AKAP13: variants seen among roughly 807,000 people sequenced by gnomAD.
AKAP13 encodes the protein A-kinase anchoring protein 13.
In AKAP13, 80 loss-of-function variants were observed where a neutral mutation model predicts 264.5. The ratio of observed to expected loss-of-function variants is 0.30; its 90% CI spans 0.25 to 0.36. AKAP13 has a LOEUF of 0.36. Among genes scored for constraint, AKAP13 ranks in the 10% least tolerant of loss-of-function variants. AKAP13 has a pLI of 1.00. For missense variants in AKAP13, 3,712 were observed against 3,435.2 expected (o/e 1.08, Z -2.01); for synonymous variants, 1,380 against 1,250.2 (o/e 1.10, Z -2.19).
chr15:85,595,253 C>A (rs1350251555), intron 8 of AKAP13, among the ~76,000 whole-genome samples: 2 of 152,020 alleles, frequency 1.3e-5, no homozygotes, highest in Non-Finnish European at 2.9e-5. Flanking sequence ...GTGCGAGCCA[C>A]CACACCTAGC....
At chr15:85,464,635 A>G (rs2074655002) in intron 1 of AKAP13, among the ~76,000 whole-genome samples, 1 of 152,170 alleles carries the variant, frequency 6.6e-6, no homozygotes, top group African/African-American at 2.4e-5. Context: ...GTCTTTACCA[A>G]AGAGAAGTCT....
chr15:85,506,884 A>G (rs1007808753), intron 2 of AKAP13, among the ~76,000 whole-genome samples: 1 of 152,180 alleles, frequency 6.6e-6, no homozygotes, highest in East Asian at 1.9e-4. Flanking sequence ...TGCTGAAGCC[A>G]TGGTCCGTTA....
chr15:85,451,944 A>T (rs899697781), intron 1 of AKAP13, among the ~76,000 whole-genome samples: 1 of 151,958 alleles, frequency 6.6e-6, no homozygotes, highest in African/African-American at 2.4e-5. Context: ...TTTGTGGATG[A>T]TACCCTGAAA....
intron 5 of AKAP13, among the ~76,000 whole-genome samples, chr15:85,560,501 G>T (rs2078332783): frequency 6.6e-6 from 1 of 152,036 alleles, no homozygotes; most frequent in African/African-American, 2.4e-5. Flanking sequence ...TGATGCACCT[G>T]CATAAGACAG....
chr15:85,545,072 G>A lies in AKAP13; in HGVS notation c.662+1117G>A, dbSNP rs527966887. Among the ~76,000 whole-genome samples the A allele has an allele frequency of 8.5e-5, 13 of 152,294 alleles. No homozygotes were observed. In the South Asian group the frequency reaches 2.7e-3, roughly 32 times the overall value. ...AGTTCTTTGCAGAAAGCTTTCTGAT[G>A]GGTGCTACAGATACAGTGGTGGTAG... is the stretch of plus-strand genomic sequence containing the variant. On this transcript the variant is annotated intron_variant, in intron 5 of 36. Coordinates refer to ENST00000394518, the MANE Select transcript of AKAP13 (RefSeq NM_007200.5).
At chr15:85,646,033 T>C (rs1349803404) in intron 10 of AKAP13, 79 bp downstream of exon 10, 1 of 1,530,580 alleles carries the variant, frequency 6.5e-7, no homozygotes, top group African/African-American at 1.4e-5. Context: ...CTTTTCCAAC[T>C]TTTTCCCCCT....
At chr15:85,652,342 G>C (rs2082895281) in intron 10 of AKAP13, among the ~76,000 whole-genome samples, 2 of 152,224 alleles carry the variant, frequency 1.3e-5, no homozygotes, top group Non-Finnish European at 2.9e-5. Flanking sequence ...TTGGATGCCA[G>C]AGTGAAGAAG....
chr15:85,620,124 C>T, intron 8 of AKAP13: 2 of 1,536,110 alleles, frequency 1.3e-6, no homozygotes, highest in Non-Finnish European at 8.7e-7. Context: ...GCTACAGCCT[C>T]TGTGACATCT....
At chr15:85,511,994 T>C (rs989648234) in intron 2 of AKAP13, among the ~76,000 whole-genome samples, 1 of 152,160 alleles carries the variant, frequency 6.6e-6, no homozygotes, top group African/African-American at 2.4e-5. Context: ...TTGCTGCCTT[T>C]AACACCCCCT....
intron 7 of AKAP13, chr15:85,583,175 G>C (rs962632295): frequency 1.0e-6 from 1 of 985,200 alleles, no homozygotes; most frequent in African/African-American, 1.7e-5. Context: ...GTAAGAAGCA[G>C]CCTGTTTTGT....
At chr15:85,449,964 A>AT (rs1158873300) in intron 1 of AKAP13, among the ~76,000 whole-genome samples, 12 of 151,898 alleles carry the variant, frequency 7.9e-5, no homozygotes, top group Non-Finnish European at 1.2e-4. Flanking sequence ...TTCCTCCTCA[A>AT]TTTTTTGTAA....
At chr15:85,564,003 T>C (rs192575732) in intron 5 of AKAP13, among the ~76,000 whole-genome samples, 65 of 152,316 alleles carry the variant, frequency 4.3e-4, no homozygotes, top group Non-Finnish European at 6.6e-4. Context: ...TGAACAAATA[T>C]GTTAATATTT....
At position 85,722,289 on chromosome 15, in the gene AKAP13, A is replaced by G. The variant is rs1304303888; in HGVS notation, c.6438A>G (p.Val2146=). The G allele has an allele frequency of 6.2e-6, 10 of 1,613,864 alleles. No individual in the cohort carries two copies. The African/African-American group carries it at 1.3e-4, about 22-fold the overall frequency. The part of the protein sequence containing the change: ...RLGIPECILL[V]TQRITKYPVL... ...GAATTCCAGAGTGCATATTGCTTGT[A>G]ACTCAGCGGATTACCAAGTACCCAG... Residue 2146 remains valine, a synonymous_variant, in exon 25 of 37, where the codon GTA becomes GTG. Transcript: ENST00000394518.
intron 30 of AKAP13, 79 bp downstream of exon 30, chr15:85,730,786 C>G: frequency 7.6e-7 from 1 of 1,314,550 alleles, no homozygotes; most frequent in Non-Finnish European, 1.0e-6. Context: ...CCAGTTTTTA[C>G]TTTTTTACTT....
Position 85,748,134 on chromosome 15 carries a change from C to T in AKAP13, c.*3457C>T, listed in dbSNP as rs1452812541. 6.6e-6 allele frequency: 1 copy of T among 152,204 alleles called. No homozygotes were observed. Among genetic ancestry groups the T allele is most frequent in the Non-Finnish European group, 1.5e-5 (1 of 68,052 alleles). The allele number at this position is 152,204 out of a possible 1,614,324, so 9.4% of individuals were successfully genotyped here. A position where few individuals can be genotyped will look rare whatever the true frequency, so the allele number is the denominator to read the frequency against. Reference sequence around the variant, plus strand: ...TAGGGCTCTTTTTCTGTAGCCAGGTCTTCCCAAGGATTTTAGTATTTGCAT... The same window carrying T: ...TAGGGCTCTTTTTCTGTAGCCAGGTTTTCCCAAGGATTTTAGTATTTGCAT... On this transcript the variant is annotated 3_prime_UTR_variant, in exon 37 of 37. Coordinates refer to ENST00000394518, the MANE Select transcript of AKAP13 (RefSeq NM_007200.5).
chr15:85,592,513 T>TTGTGG (rs1022830914), intron 8 of AKAP13, among the ~76,000 whole-genome samples: 2 of 152,222 alleles, frequency 1.3e-5, no homozygotes, highest in African/African-American at 4.8e-5. Flanking sequence ...TCACATAGTT[T>TTGTGG]TGTGGTGTGT....
intron 8 of AKAP13, among the ~76,000 whole-genome samples, chr15:85,590,524 G>A (rs1203494114): frequency 1.3e-5 from 2 of 152,190 alleles, no homozygotes; most frequent in Non-Finnish European, 2.9e-5. Flanking sequence ...CATAGTTCAT[G>A]AAGGAATTAG....
intron 1 of AKAP13, among the ~76,000 whole-genome samples, chr15:85,407,506 C>T (rs1335298841): frequency 6.6e-6 from 1 of 151,564 alleles, no homozygotes. Flanking sequence ...TCCCAAAGTG[C>T]TGGGATTATA....
intron 8 of AKAP13, among the ~76,000 whole-genome samples, chr15:85,633,933 C>T (rs2081970908): frequency 6.6e-6 from 1 of 151,786 alleles, no homozygotes; most frequent in African/African-American, 2.4e-5. Flanking sequence ...GTGGTTACTT[C>T]CTTATTGTGT....
Sources: allele counts gnomAD v4.1 joint callset (sites outside exome capture counted in the v4.1 genomes callset), GRCh38; gene constraint gnomAD v4.1.1; transcripts MANE v1.5; gene names NCBI Gene and HGNC (gene_info 2026-07-23, HGNC 2026-07-21).